Variants in GNB5 observed in about 807,000 individuals in gnomAD.
GNB5 encodes G protein subunit beta 5.
GNB5 carries 37 observed loss-of-function variants against 55.3 expected under a neutral mutation model. The observed-to-expected ratio is 0.67, with a 90% CI of 0.51 to 0.88. The LOEUF (loss-of-function observed/expected upper bound fraction) is 0.88. Ranked by LOEUF, GNB5 falls within the 40% of genes least tolerant of loss-of-function variation. The pLI, the probability that GNB5 is intolerant of heterozygous loss-of-function variation, is 0.00. For missense variants in GNB5, 476 were observed against 515.3 expected, an observed-to-expected ratio of 0.92 and a Z score of 0.74; for synonymous variants, 219 against 198.5, an observed-to-expected ratio of 1.10 and a Z score of -0.87.
chr15:52,148,031 G>T (rs745698376), intron 5 of GNB5, among the ~76,000 whole-genome samples: 9 of 147,436 alleles, frequency 6.1e-5, no homozygotes, highest in Non-Finnish European at 1.2e-4. Context: ...TCACATATTC[G>T]AAAAGTTAAA....
chr15:52,164,256 C>T (rs1340910192), intron 3 of GNB5, among the ~76,000 whole-genome samples: 3 of 145,914 alleles, frequency 2.1e-5, no homozygotes, highest in South Asian at 2.1e-4. Context: ...TGCAGTGAGC[C>T]GAGATGGTGC....
chr15:52,155,132 G>C (rs1191623962), intron 3 of GNB5, among the ~76,000 whole-genome samples: 1 of 152,212 alleles, frequency 6.6e-6, no homozygotes, highest in Non-Finnish European at 1.5e-5. Flanking sequence ...CCAGGGCTCT[G>C]AACTGTCCAT....
intron 9 of GNB5, among the ~76,000 whole-genome samples, chr15:52,131,455 T>C (rs2141188960): frequency 6.6e-6 from 1 of 152,290 alleles, no homozygotes; most frequent in African/African-American, 2.4e-5. Flanking sequence ...AAATACTACA[T>C]CATTTTATGT....
chr15:52,181,541 T>A (rs1418206774), intron 2 of GNB5, among the ~76,000 whole-genome samples: 1 of 151,900 alleles, frequency 6.6e-6, no homozygotes, highest in Non-Finnish European at 1.5e-5. Flanking sequence ...GCTTGAACCC[T>A]GGAATCAGAG....
intron 11 of GNB5, 99 bp downstream of exon 11, chr15:52,125,849 A>G (rs1419762722): frequency 1.5e-6 from 1 of 653,392 alleles, no homozygotes; most frequent in Non-Finnish European, 2.8e-6. Flanking sequence ...GTCCACAGGA[A>G]GCTCAGTTGA....
chr15:52,124,556 C>G lies in GNB5; in HGVS notation c.1093G>C (p.Gly365Arg). 1 of 1,613,630 alleles carries G rather than the reference C, an allele frequency of 6.2e-7. No homozygotes were observed. The highest frequency in any genetic ancestry group is 8.5e-7 in the Non-Finnish European group (1 of 1,179,490). ...AGAGTGCTAACGCGGTTTTCATGTCCAAACAGGATGGAGACCCGGGACCCT... is the reference window on the plus strand; with the variant it reads ...AGAGTGCTAACGCGGTTTTCATGTCGAAACAGGATGGAGACCCGGGACCCT... ...LKGSRVSILFGHENRVSTLRV... is the reference protein window; with the variant it reads ...LKGSRVSILFRHENRVSTLRV... The change falls in exon 12 of 13, where the codon GGA (glycine) becomes CGA (arginine). Residue 365 changes from glycine (G) to arginine (R), a missense_variant. Gly to Arg is a moderately radical substitution (Grantham distance 125). Transcript: ENST00000261837.
rs780522054 is a variant in GNB5 at position 52,153,919 on chromosome 15, TATGCAGCAGGTGTG to T, written c.375+7_375+20del. 2 of 1,602,066 alleles carry T rather than the reference TATGCAGCAGGTGTG, an allele frequency of 1.2e-6. No individual in the cohort carries two copies. The highest frequency in any genetic ancestry group is 4.5e-5 in the East Asian group (2 of 44,650). ...TAAAATCCAAAACCCGCTCACCTGT[TATGCAGCAGGTGTG>T]ACATACCTGTGACGAGCTCACGATC... On this transcript the variant is annotated splice_region_variant and intron_variant, in intron 4 of 12. Transcript: ENST00000261837.
At chr15:52,139,846 C>G (rs753661700) in intron 7 of GNB5, 1 of 1,280,616 alleles carries the variant, frequency 7.8e-7, no homozygotes, top group South Asian at 1.2e-5. Flanking sequence ...CAACCCTGCC[C>G]CGGGGCAACA....
intron 3 of GNB5, among the ~76,000 whole-genome samples, chr15:52,168,899 G>A (rs1024671823): frequency 5.3e-5 from 8 of 152,200 alleles, no homozygotes; most frequent in African/African-American, 1.9e-4. Flanking sequence ...AATAGTGTTA[G>A]GAGAACTGGC....
chr15:52,160,184 G>C (rs1292174206), intron 3 of GNB5, among the ~76,000 whole-genome samples: 1 of 152,192 alleles, frequency 6.6e-6, no homozygotes, highest in Non-Finnish European at 1.5e-5. Context: ...CTGACCTCAG[G>C]AGATCCACCC....
chr15:52,165,601 G>A (rs1383388622), intron 3 of GNB5, among the ~76,000 whole-genome samples: 1 of 152,190 alleles, frequency 6.6e-6, no homozygotes, highest in African/African-American at 2.4e-5. Context: ...GCCAAGCTAA[G>A]CTTCATAAGC....
chr15:52,123,049 C>T (rs1566930535), intron 12 of GNB5, among the ~76,000 whole-genome samples: 3 of 151,888 alleles, frequency 2.0e-5, no homozygotes, highest in African/African-American at 7.3e-5. Context: ...AGCCTCCTTA[C>T]GGGCCTAGCT....
At chr15:52,176,436 G>A (rs972973574) in intron 3 of GNB5, among the ~76,000 whole-genome samples, 2 of 152,208 alleles carry the variant, frequency 1.3e-5, no homozygotes, top group African/African-American at 4.8e-5. Context: ...CAGGGCTCTA[G>A]CTTATACTTC....
chr15:52,126,125 C>A, intron 10 of GNB5, 81 bp from the exon 11 acceptor site: 1 of 700,294 alleles, frequency 1.4e-6, no homozygotes, highest in Admixed American at 2.4e-5. Context: ...CAGGTAGGTG[C>A]TAGTGACTTG....
At chr15:52,185,967 C>A (rs2034840843) in intron 1 of GNB5, among the ~76,000 whole-genome samples, 1 of 151,960 alleles carries the variant, frequency 6.6e-6, no homozygotes, top group African/African-American at 2.4e-5. Context: ...TTAGTAGAGG[C>A]AGGGTTTCAC....
chr15:52,148,635 G>A (rs2034028098), intron 5 of GNB5, among the ~76,000 whole-genome samples: 1 of 152,218 alleles, frequency 6.6e-6, no homozygotes, highest in Non-Finnish European at 1.5e-5. Context: ...AGCCAGGGAT[G>A]GGCGCACTTA....
intron 5 of GNB5, among the ~76,000 whole-genome samples, 164 bp from the exon 6 acceptor site, chr15:52,147,699 A>G (rs540650092): frequency 6.6e-6 from 1 of 151,586 alleles, no homozygotes; most frequent in East Asian, 1.9e-4. Context: ...CAATTCTCCT[A>G]TCTCAGCTTC....
chr15:52,127,997 A>C (rs1429306521), intron 10 of GNB5, among the ~76,000 whole-genome samples, 199 bp downstream of exon 10: 1 of 152,204 alleles, frequency 6.6e-6, no homozygotes, highest in Non-Finnish European at 1.5e-5. Flanking sequence ...TTGTTTGTTA[A>C]AAAGAAAAAA....
rs1381314626 is a variant in GNB5 at position 52,119,130 on chromosome 15, AG to A, written c.*3626del. 7.2e-6 allele frequency: 1 copy of A among 139,020 alleles called. No homozygotes were observed. Among genetic ancestry groups the A allele is most frequent in the Non-Finnish European group, 1.5e-5 (1 of 64,620 alleles). 8.6% of individuals were successfully genotyped at this position (139,020 alleles called of 1,614,324 possible). On this transcript the variant is annotated 3_prime_UTR_variant, in exon 13 of 13. Coordinates refer to ENST00000261837, the MANE Select transcript of GNB5 (RefSeq NM_016194.4). ...GGGAGAAACAGCAGAAGGGGAAGGA[AG>A]GAGACCAGGAGAGAGGTGGAACAGG... is the stretch of plus-strand genomic sequence containing the variant.
Sources: gnomAD v4.1 joint callset for allele counts (sites outside exome capture counted in the v4.1 genomes callset) on GRCh38, gnomAD v4.1.1 for gene constraint, MANE v1.5 for transcripts, NCBI Gene and HGNC (gene_info 2026-07-23, HGNC 2026-07-21) for gene names.